Variants in TFEC observed in about 807,000 individuals in gnomAD.
TFEC encodes transcription factor EC.
A neutral mutation model predicts 41.6 loss-of-function variants in TFEC; 31 were observed. That is an observed-to-expected ratio of 0.74 (90% confidence interval 0.56 to 1.01). TFEC has a LOEUF of 1.01. Ranked by LOEUF, TFEC falls within the 50% of genes least tolerant of loss-of-function variation. The pLI, the probability that TFEC is intolerant of heterozygous loss-of-function variation, is 0.00. For missense variants in TFEC, 402 were observed against 404.1 expected (o/e 0.99, Z 0.04); for synonymous variants, 143 against 140.6 (o/e 1.02, Z -0.12).
At chr7:116,110,914 T>G in exon 3 of TFEC, 1 of 1,508,412 alleles carries the variant, frequency 6.6e-7, no homozygotes, top group Non-Finnish European at 8.9e-7. Flanking sequence ...ATATTTCTCT[T>G]CTTTTCTTCT....
chr7:116,068,202 G>A (rs1796740219), intron 3 of TFEC, among the ~76,000 whole-genome samples: 1 of 151,692 alleles, frequency 6.6e-6, no homozygotes, highest in Admixed American at 6.6e-5. Flanking sequence ...TTTTGTCGGG[G>A]GTTGGGAGAC....
At chr7:116,085,535 A>G (rs1326067891) in intron 3 of TFEC, among the ~76,000 whole-genome samples, 1 of 151,938 alleles carries the variant, frequency 6.6e-6, no homozygotes, top group African/African-American at 2.4e-5. Context: ...CTAAAATCCC[A>G]TACTCCACAA....
chr7:116,043,838 T>A (rs906874708), intron 3 of TFEC, among the ~76,000 whole-genome samples: 1 of 152,104 alleles, frequency 6.6e-6, no homozygotes, highest in African/African-American at 2.4e-5. Flanking sequence ...CTACTTCAGG[T>A]CATAAAATGA....
intron 3 of TFEC, among the ~76,000 whole-genome samples, chr7:116,066,699 A>G (rs1796702433): frequency 6.6e-6 from 1 of 152,106 alleles, no homozygotes; most frequent in Admixed American, 6.6e-5. Flanking sequence ...TAAAAAATAC[A>G]ATTACAATTT....
intron 3 of TFEC, among the ~76,000 whole-genome samples, chr7:116,046,040 A>G (rs1796155019): frequency 6.6e-6 from 1 of 152,038 alleles, no homozygotes; most frequent in South Asian, 2.1e-4. Flanking sequence ...TAATACCTGT[A>G]CCTCCATTGT....
At chr7:116,158,795 C>T (rs866014103) in intron 1 of TFEC, among the ~76,000 whole-genome samples, 2 of 151,964 alleles carry the variant, frequency 1.3e-5, no homozygotes, top group South Asian at 4.1e-4. Context: ...TGTAGTATTT[C>T]ACAAATCCTA....
intron 3 of TFEC, among the ~76,000 whole-genome samples, chr7:115,959,559 C>T (rs1792420603): frequency 6.6e-6 from 1 of 151,414 alleles, no homozygotes; most frequent in East Asian, 1.9e-4. Context: ...ATGACTATTT[C>T]AAAAGTAAGG....
chr7:116,070,951 T>C (rs1796812936), intron 3 of TFEC, among the ~76,000 whole-genome samples: 2 of 151,430 alleles, frequency 1.3e-5, no homozygotes, highest in South Asian at 4.1e-4. Flanking sequence ...CACATACACA[T>C]TCAATTAATG....
chr7:116,107,950 C>T (rs530041529), intron 3 of TFEC, among the ~76,000 whole-genome samples: 4 of 152,102 alleles, frequency 2.6e-5, no homozygotes, highest in Non-Finnish European at 5.9e-5. Flanking sequence ...ATAGCAATTG[C>T]TTACCAAGTG....
At chr7:115,969,021 T>G (rs768146794) in intron 3 of TFEC, among the ~76,000 whole-genome samples, 8 of 151,862 alleles carry the variant, frequency 5.3e-5, no homozygotes, top group African/African-American at 1.2e-4. Context: ...ATTGTTGTCT[T>G]TATTCTTGTT....
chr7:116,014,590 C>A (rs921729756), intron 1 of TFEC, among the ~76,000 whole-genome samples: 1 of 151,998 alleles, frequency 6.6e-6, no homozygotes, highest in South Asian at 2.1e-4. Flanking sequence ...CAGTTACTTG[C>A]AATTTCTCTG....
intron 3 of TFEC, among the ~76,000 whole-genome samples, chr7:116,075,836 A>G (rs1037954712): frequency 3.9e-5 from 6 of 152,244 alleles, no homozygotes; most frequent in Admixed American, 2.0e-4. Flanking sequence ...TGGGAGCTCT[A>G]TGGTCCTACC....
chr7:116,062,916 C>G (rs2130995677), intron 3 of TFEC, among the ~76,000 whole-genome samples: 1 of 152,172 alleles, frequency 6.6e-6, no homozygotes, highest in Non-Finnish European at 1.5e-5. Context: ...ATTCATCCAC[C>G]ATATGACCCA....
At chr7:116,029,535 T>C (rs181500632) in intron 1 of TFEC, among the ~76,000 whole-genome samples, 30 of 152,252 alleles carry the variant, frequency 2.0e-4, no homozygotes, top group African/African-American at 7.2e-4. Flanking sequence ...TCTTATAAAC[T>C]ATCCAAAATG....
rs564328133 is a variant in TFEC, at chr7:115,959,901, G to A, written c.268-3108C>T. Among the ~76,000 whole-genome samples, 79 of 151,468 alleles carry A rather than the reference G, an allele frequency of 5.2e-4. 2 individuals carry two copies. In the South Asian group the frequency reaches 8.7e-3, roughly 17 times the overall value. On this transcript the variant is annotated intron_variant, in intron 3 of 7. Coordinates refer to ENST00000265440, the MANE Select transcript of TFEC (RefSeq NM_012252.4). ...CTAAATTACAGATAACAGGAGTTTCGAAAAGAGAGAAAAATAATATTGGAA... is the reference window on the plus strand; with the variant it reads ...CTAAATTACAGATAACAGGAGTTTCAAAAAGAGAGAAAAATAATATTGGAA...
intron 3 of TFEC, among the ~76,000 whole-genome samples, chr7:116,045,514 C>T (rs915944499): frequency 6.6e-6 from 1 of 152,162 alleles, no homozygotes; most frequent in Admixed American, 6.5e-5. Context: ...GTTGAGCCTG[C>T]GTGTACATAG....
chr7:115,955,586 A>G (rs1792179534), intron 4 of TFEC, among the ~76,000 whole-genome samples: 1 of 152,020 alleles, frequency 6.6e-6, no homozygotes, highest in African/African-American at 2.4e-5. Context: ...GCCTCATAAG[A>G]GATTCTGGTC....
chr7:116,155,447 A>G (rs754540600), intron 1 of TFEC, among the ~76,000 whole-genome samples: 2 of 152,214 alleles, frequency 1.3e-5, no homozygotes, highest in Non-Finnish European at 2.9e-5. Flanking sequence ...GCCTACAGCA[A>G]ACCTGCCAGC....
At chr7:116,034,699 C>T (rs1795869514), upstream of TFEC, among the ~76,000 whole-genome samples, 1 of 151,254 alleles carries the variant, frequency 6.6e-6, no homozygotes, top group African/African-American at 2.4e-5. Flanking sequence ...CACACACACA[C>T]ACACACACAC....
Sources: gnomAD v4.1 joint callset for allele counts (sites outside exome capture counted in the v4.1 genomes callset) on GRCh38, gnomAD v4.1.1 for gene constraint, MANE v1.5 for transcripts, NCBI Gene and HGNC (gene_info 2026-07-23, HGNC 2026-07-21) for gene names.